Variants in NDST4 observed in about 807,000 individuals in gnomAD.
NDST4 encodes the protein N-deacetylase and N-sulfotransferase 4.
Under a neutral mutation model 100.8 loss-of-function variants are expected in NDST4, and 63 were observed. The ratio of observed to expected loss-of-function variants is 0.62; its 90% CI spans 0.51 to 0.77. The LOEUF (loss-of-function observed/expected upper bound fraction) is 0.77, where lower values mean the gene tolerates loss of function less well. NDST4 is among the 30% of genes least tolerant of loss of function. The pLI, the probability that NDST4 is intolerant of heterozygous loss-of-function variation, is 0.00. For synonymous variants in NDST4, 377 were observed against 361.8 expected (o/e 1.04, Z -0.48); for missense variants, 943 against 1,018.4 (o/e 0.93, Z 1.01).
At chr4:115,033,247 A>G (rs1178537659) in intron 2 of NDST4, among the ~76,000 whole-genome samples, 5 of 148,096 alleles carry the variant, frequency 3.4e-5, no homozygotes, top group Admixed American at 1.4e-4. Flanking sequence ...CTGATCTCCC[A>G]GGCTCAAGCA....
intron 2 of NDST4, among the ~76,000 whole-genome samples, chr4:115,030,969 AATTC>A (rs1273364739): frequency 1.3e-5 from 2 of 152,108 alleles, no homozygotes; most frequent in Non-Finnish European, 2.9e-5. Context: ...TAACTAGTTG[AATTC>A]ATTATTTCTC....
At chr4:114,850,640 C>T (rs980687925) in intron 8 of NDST4, among the ~76,000 whole-genome samples, 1 of 152,014 alleles carries the variant, frequency 6.6e-6, no homozygotes, top group African/African-American at 2.4e-5. Flanking sequence ...AGAAACTATT[C>T]TATTTTATAT....
intron 4 of NDST4, among the ~76,000 whole-genome samples, chr4:114,946,284 A>C (rs1476142902): frequency 6.7e-6 from 1 of 148,464 alleles, no homozygotes; most frequent in Non-Finnish European, 1.5e-5. Context: ...ACAGCAGTGA[A>C]GAAAACAGAA....
intron 2 of NDST4, among the ~76,000 whole-genome samples, chr4:115,022,743 G>A (rs955629639): frequency 6.6e-6 from 1 of 151,988 alleles, no homozygotes; most frequent in Admixed American, 6.6e-5. Flanking sequence ...AATTATGAGG[G>A]CGGGTCTTTC....
At chr4:114,964,212 G>C (rs968881047) in intron 4 of NDST4, among the ~76,000 whole-genome samples, 1 of 152,164 alleles carries the variant, frequency 6.6e-6, no homozygotes, top group African/African-American at 2.4e-5. Context: ...GGAAATTGAG[G>C]TCTTCAATCC....
At chr4:114,935,384 C>A in intron 5 of NDST4, 50 bp from the exon 6 acceptor site, 7 of 1,470,088 alleles carry the variant, frequency 4.8e-6, no homozygotes, top group Non-Finnish European at 6.3e-6. Context: ...TAATTAAGAA[C>A]TTCACCTGTG....
intron 4 of NDST4, among the ~76,000 whole-genome samples, chr4:114,956,538 A>G (rs181977356): frequency 6.6e-6 from 1 of 152,342 alleles, no homozygotes; most frequent in Admixed American, 6.5e-5. Flanking sequence ...TGGGTCAGTA[A>G]AAGCCTCATA....
intron 2 of NDST4, among the ~76,000 whole-genome samples, chr4:115,025,742 T>A (rs1727969821): frequency 6.6e-6 from 1 of 152,160 alleles, no homozygotes; most frequent in Admixed American, 6.6e-5. Context: ...TAATTTAAAG[T>A]GATGCCTGAA....
In NDST4 at chr4:114,889,038, A is replaced by G. The variant is rs148123005; in HGVS notation, c.1537-18088T>C. ...TGCCAGCTATCAGTTCCTCACACAT[A>G]TATGTAGCAACACTAGATATTATCA... is the stretch of plus-strand genomic sequence containing the variant. On this transcript the variant is annotated intron_variant, in intron 6 of 13. Transcript: ENST00000264363. 8.1e-3 allele frequency among the ~76,000 whole-genome samples: 1,236 copies of G among 152,166 alleles called. 8 individuals carry two copies. Among genetic ancestry groups the G allele is most frequent in the Non-Finnish European group, 0.013 (880 of 67,998 alleles).
intron 4 of NDST4, among the ~76,000 whole-genome samples, chr4:114,945,828 C>A (rs1725850173): frequency 6.6e-6 from 1 of 152,106 alleles, no homozygotes; most frequent in Non-Finnish European, 1.5e-5. Context: ...AAATTGTCTT[C>A]TTCTGTTTTC....
At chr4:114,859,491 A>G (rs1390754373) in intron 7 of NDST4, among the ~76,000 whole-genome samples, 1 of 152,230 alleles carries the variant, frequency 6.6e-6, no homozygotes, top group Admixed American at 6.5e-5. Context: ...CTGAGCGTGT[A>G]CAGAGTAGAG....
intron 6 of NDST4, among the ~76,000 whole-genome samples, chr4:114,896,044 T>C (rs77856615): frequency 0.056 from 8,556 of 152,210 alleles, 298 homozygotes; most frequent in East Asian, 0.15. Context: ...AAGAATGTGA[T>C]TCTAATACAA....
chr4:115,002,649 C>A (rs543523647), intron 2 of NDST4, among the ~76,000 whole-genome samples: 2 of 152,100 alleles, frequency 1.3e-5, no homozygotes, highest in Non-Finnish European at 2.9e-5. Context: ...AGCCTTTAAA[C>A]CACTGAGGAA....
intron 4 of NDST4, among the ~76,000 whole-genome samples, chr4:114,942,785 T>C (rs975562986): frequency 6.6e-6 from 1 of 151,876 alleles, no homozygotes; most frequent in South Asian, 2.1e-4. Context: ...CCAAGAATGA[T>C]TTTTCTAATG....
intron 4 of NDST4, among the ~76,000 whole-genome samples, chr4:114,943,462 A>C (rs1000069203): frequency 1.3e-5 from 2 of 151,940 alleles, no homozygotes; most frequent in African/African-American, 4.8e-5. Context: ...TCTTGGGTAC[A>C]CTCTCTGATT....
At chr4:114,855,121 T>C (rs72893345) in intron 7 of NDST4, among the ~76,000 whole-genome samples, 11,302 of 152,242 alleles carry the variant, frequency 0.074, 482 homozygotes, top group African/African-American at 0.12. Context: ...CATTTTTAAA[T>C]CAGATTATTA....
Position 114,839,566 on chromosome 4 carries a change from A to G in NDST4, c.2116-18T>C, listed in dbSNP as rs1196222483. 1.2e-6 allele frequency: 2 copies of G among 1,611,260 alleles called. No individual in the cohort carries two copies. Among genetic ancestry groups the G allele is most frequent in the Non-Finnish European group, 1.7e-6 (2 of 1,178,142 alleles). On this transcript the variant is annotated intron_variant, in intron 10 of 13. Coordinates refer to ENST00000264363, the MANE Select transcript of NDST4 (RefSeq NM_022569.3). ...CGTTGGTGCTTTAACAAGAAAGTCA[A>G]TTGTAAAGTTAGATTTTTTTTAATG... is the stretch of plus-strand genomic sequence containing the variant.
At chr4:115,101,108 T>C (rs1475879670) in intron 1 of NDST4, among the ~76,000 whole-genome samples, 2 of 152,068 alleles carry the variant, frequency 1.3e-5, no homozygotes, top group Admixed American at 6.6e-5. Context: ...GAATGCTCTC[T>C]AATAGCCAGA....
chr4:114,970,990 T>C (rs1158409279), intron 3 of NDST4, among the ~76,000 whole-genome samples: 2 of 152,054 alleles, frequency 1.3e-5, no homozygotes, highest in Non-Finnish European at 2.9e-5. Context: ...ATAATATATG[T>C]TTATTAAAGA....
Sources: gnomAD v4.1 joint callset for allele counts (sites outside exome capture counted in the v4.1 genomes callset) on GRCh38, gnomAD v4.1.1 for gene constraint, MANE v1.5 for transcripts, NCBI Gene and HGNC (gene_info 2026-07-23, HGNC 2026-07-21) for gene names.